The following CXCL12 variants were observed in gnomAD, a reference collection of about 807,000 sequenced individuals.
CXCL12 encodes stromal cell-derived factor 1.
CXCL12 carries 4 observed loss-of-function variants against 10.7 expected under a neutral mutation model. The ratio of observed to expected loss-of-function variants is 0.37; its 90% confidence interval spans 0.18 to 0.86. CXCL12 has a LOEUF of 0.86. Ranked by LOEUF, CXCL12 falls within the 40% of genes least tolerant of loss-of-function variation. The pLI is 0.43. For synonymous variants in CXCL12, 54 were observed against 45.4 expected, an observed-to-expected ratio of 1.19 and a Z score of -0.77; for missense variants, 122 against 110.4, an observed-to-expected ratio of 1.10 and a Z score of -0.47.
Position 44,378,384 on chromosome 10 carries a change from A to G in CXCL12, c.*249T>C. 1 of 1,540,938 alleles carries G rather than the reference A, an allele frequency of 6.5e-7. No homozygotes were observed. The highest frequency in any genetic ancestry group is 8.7e-7 in the Non-Finnish European group (1 of 1,143,846). On this transcript the variant is annotated 3_prime_UTR_variant, in exon 3 of 3. Transcript: ENST00000343575. ...CTTTCTTAGAAAAACCCCAGTAATA[A>G]AAGTTCCAACGTGCACAGGTACAGG...
At position 44,382,894 on chromosome 10, in the gene CXCL12, T is replaced by C. The variant is rs79947051; in HGVS notation, c.62-2014A>G. Among the ~76,000 whole-genome samples the C allele has an allele frequency of 9.7e-3, 1,484 of 152,326 alleles. 55 individuals carry two copies. The East Asian group carries it at 0.11, about 12-fold the overall frequency. ...AGCTTTTTGTCAGTAAGACTAACTT[T>C]CCCAACCGTTCTGGATGTAAATCCG... On this transcript the variant is annotated intron_variant, in intron 1 of 2. Coordinates refer to ENST00000343575, the MANE Select transcript of CXCL12 (RefSeq NM_199168.4).
At chr10:44,373,444 C>T, downstream of CXCL12, 3 of 1,051,884 alleles carry the variant, frequency 2.9e-6, no homozygotes, top group South Asian at 4.0e-5. Flanking sequence ...TGGGGCCAAT[C>T]CCTACTTCCA....
At chr10:44,371,509 A>G (rs1484179653), downstream of CXCL12, 4 of 206,364 alleles carry the variant, frequency 1.9e-5, no homozygotes, top group Non-Finnish European at 3.0e-5. Context: ...AAGATCCCTC[A>G]GGCTCTATTT....
chr10:44,383,612 G>A (rs10900033), intron 1 of CXCL12, among the ~76,000 whole-genome samples: 1 of 91,450 alleles, frequency 1.1e-5, no homozygotes, highest in East Asian at 5.0e-4. Flanking sequence ...TGACTTGCGG[G>A]GGGGGGGGGG....
At position 44,377,602 on chromosome 10, in the gene CXCL12, G is replaced by T; in HGVS notation, c.*1031C>A. 20 of 1,495,236 alleles carry T rather than the reference G, an allele frequency of 1.3e-5. No individual in the cohort carries two copies. The highest frequency in any genetic ancestry group is 1.8e-5 in the Non-Finnish European group (20 of 1,129,550). 92.6% of individuals were successfully genotyped at this position (1,495,236 alleles called of 1,614,324 possible). ...CACTGATTTTTTCGCTTCTGATTTC[G>T]GAAACCTCAGAGTTTGTTAGTGCCT... On this transcript the variant is annotated 3_prime_UTR_variant, in exon 3 of 3. Coordinates refer to ENST00000343575, the MANE Select transcript of CXCL12 (RefSeq NM_199168.4).
chr10:44,378,588 T>C lies in CXCL12; in HGVS notation c.*45A>G, dbSNP rs771370859. 1 of 1,613,456 alleles carries C rather than the reference T, an allele frequency of 6.2e-7. No individual in the cohort carries two copies. Among genetic ancestry groups the C allele is most frequent in the Non-Finnish European group, 8.5e-7 (1 of 1,179,580 alleles). ...CTTTCATCTCTCACAAGGTTTTAGT[T>C]TTCCTCGAGTGGGTCTAGCGGAAAG... On this transcript the variant is annotated 3_prime_UTR_variant, in exon 3 of 3. Transcript: ENST00000343575.
At chr10:44,375,663 C>G (rs1370317447), downstream of CXCL12, among the ~76,000 whole-genome samples, 1 of 152,260 alleles carries the variant, frequency 6.6e-6, no homozygotes, top group Admixed American at 6.5e-5. Flanking sequence ...CCAGGCTATT[C>G]TGGACAGAGT....
rs1196183454 is a variant in CXCL12 at position 44,385,009 on chromosome 10, G to T, written c.-4C>A. 7.5e-7 allele frequency: 1 copy of T among 1,325,706 alleles called. No individual in the cohort carries two copies. The highest frequency in any genetic ancestry group is 2.7e-5 in the Admixed American group (1 of 36,662). 82.1% of individuals were successfully genotyped at this position (1,325,706 alleles called of 1,614,324 possible). A position where few individuals can be genotyped will look rare whatever the true frequency, so the allele number is the denominator to read the frequency against. On this transcript the variant is annotated 5_prime_UTR_variant, in exon 1 of 3. Transcript: ENST00000343575. Reference sequence around the variant, plus strand: ...CGACCACGACCTTGGCGTTCATGGCGCGGGCGGGCGGGCGGGCGGGCGGAC... The same window carrying T: ...CGACCACGACCTTGGCGTTCATGGCTCGGGCGGGCGGGCGGGCGGGCGGAC...
chr10:44,377,575 T>G lies in CXCL12; in HGVS notation c.*1058A>C. ...GGGGTAGTGGCAAGATGATGGTTTA[T>G]TCACTGATTTTTTCGCTTCTGATTT... is the stretch of plus-strand genomic sequence containing the variant. On this transcript the variant is annotated 3_prime_UTR_variant, in exon 3 of 3. Transcript: ENST00000343575. The G allele has an allele frequency of 6.8e-7, 1 of 1,475,180 alleles. No homozygotes were observed. The highest frequency in any genetic ancestry group is 1.4e-5 in the South Asian group (1 of 71,908). 91.4% of individuals were successfully genotyped at this position (1,475,180 alleles called of 1,614,324 possible).
intron 1 of CXCL12, among the ~76,000 whole-genome samples, chr10:44,383,193 T>C (rs7088876): frequency 0.18 from 27,985 of 152,076 alleles, 2,713 homozygotes; most frequent in Non-Finnish European, 0.21. Flanking sequence ...AGTGTGGGGA[T>C]AGGGGGCACA....
chr10:44,379,706 C>A (rs977551590), intron 2 of CXCL12, among the ~76,000 whole-genome samples: 1 of 152,208 alleles, frequency 6.6e-6, no homozygotes, highest in African/African-American at 2.4e-5. Flanking sequence ...CTTCAAGGTG[C>A]ATTTCCAGGC....
Position 44,378,531 on chromosome 10 carries a change from A to G in CXCL12, c.*102T>C. ...CACCCCACACACACACCTGGTCCTC[A>G]TGGTTAAGGCCCCCTCCCCCACGTC... is the stretch of plus-strand genomic sequence containing the variant. On this transcript the variant is annotated 3_prime_UTR_variant, in exon 3 of 3. Transcript: ENST00000343575. 1 of 1,575,214 alleles carries G rather than the reference A, an allele frequency of 6.3e-7. No homozygotes were observed. The highest frequency in any genetic ancestry group is 2.3e-5 in the East Asian group (1 of 43,970).
At chr10:44,384,873 A>G in intron 1 of CXCL12, 72 bp downstream of exon 1, 1 of 1,441,654 alleles carries the variant, frequency 6.9e-7, no homozygotes, top group African/African-American at 1.5e-5. Flanking sequence ...CAGGCAGAGG[A>G]GCCGCGGCTC....
chr10:44,380,649 AG>A, intron 2 of CXCL12, 113 bp downstream of exon 2: 2 of 879,970 alleles, frequency 2.3e-6, no homozygotes, highest in South Asian at 1.4e-5. Flanking sequence ...GCCAAGTTCA[AG>A]GTTGGACACT....
chr10:44,376,643 C>T (rs750753220), downstream of CXCL12, among the ~76,000 whole-genome samples: 114 of 152,096 alleles, frequency 7.5e-4, no homozygotes, highest in Non-Finnish European at 1.2e-3. Flanking sequence ...GCAACTGGCT[C>T]GTGACTGTCA....
chr10:44,379,016 G>A (rs1330393394), intron 2 of CXCL12, among the ~76,000 whole-genome samples: 1 of 152,148 alleles, frequency 6.6e-6, no homozygotes, highest in Non-Finnish European at 1.5e-5. Flanking sequence ...GTAGGAGCTT[G>A]GAGAGTAAAT....
chr10:44,373,341 C>T (rs1006376679), downstream of CXCL12: 2 of 1,607,418 alleles, frequency 1.2e-6, no homozygotes, highest in African/African-American at 1.3e-5. Flanking sequence ...CATCTTGAAC[C>T]TCCTGTTGAC....
At chr10:44,384,710 G>C (rs1004977737) in intron 1 of CXCL12, among the ~76,000 whole-genome samples, 5 of 152,214 alleles carry the variant, frequency 3.3e-5, no homozygotes, top group African/African-American at 1.2e-4. Flanking sequence ...GGCTGACCTC[G>C]CTCTGCAGCC....
intron 2 of CXCL12, 64 bp downstream of exon 2, chr10:44,380,699 A>T: frequency 7.4e-7 from 1 of 1,351,768 alleles, no homozygotes; most frequent in Non-Finnish European, 1.1e-6. Flanking sequence ...GACTCGGGTT[A>T]GATGTTACTA....
Sources: allele counts gnomAD v4.1 joint callset (sites outside exome capture counted in the v4.1 genomes callset), GRCh38; gene constraint gnomAD v4.1.1; transcripts MANE v1.5; gene names NCBI Gene and HGNC (gene_info 2026-07-23, HGNC 2026-07-21).